LDLRAD3: variants seen among roughly 807,000 people sequenced by gnomAD.
The protein encoded by LDLRAD3 is low density lipoprotein receptor class A domain containing 3, also known as low-density lipoprotein receptor class A domain-containing protein 3.
A neutral mutation model predicts 29.4 loss-of-function variants in LDLRAD3; 20 were observed. The observed-to-expected ratio is 0.68, with a 90% CI of 0.48 to 0.99. LDLRAD3 has a LOEUF of 0.99. Among genes scored for constraint, LDLRAD3 ranks in the 50% least tolerant of loss-of-function variants. The probability of loss-of-function intolerance (pLI) is 0.00; values close to 1 mark genes in which losing one functional copy is unlikely to be tolerated. For synonymous variants in LDLRAD3, 157 were observed against 192.7 expected (o/e 0.81, Z 1.53); for missense variants, 420 against 454.3 (o/e 0.92, Z 0.69).
chr11:36,079,203 C>A (rs1480385540), intron 2 of LDLRAD3, among the ~76,000 whole-genome samples: 2 of 152,234 alleles, frequency 1.3e-5, no homozygotes, highest in African/African-American at 4.8e-5. Flanking sequence ...ACTATAGATA[C>A]TCTTTTCTAC....
intron 4 of LDLRAD3, among the ~76,000 whole-genome samples, chr11:36,121,848 A>G (rs1355657584): frequency 6.6e-6 from 1 of 152,016 alleles, no homozygotes. Context: ...CAAATCCAGC[A>G]CCTCCCACCT....
At chr11:36,098,223 T>C in intron 3 of LDLRAD3, 104 bp from the exon 4 acceptor site, 4 of 1,386,884 alleles carry the variant, frequency 2.9e-6, no homozygotes, top group Non-Finnish European at 3.0e-6. Context: ...GAAGATAAGC[T>C]TACTGCTTCC....
chr11:35,958,046 A>G (rs979979768), intron 1 of LDLRAD3, among the ~76,000 whole-genome samples: 4 of 152,204 alleles, frequency 2.6e-5, no homozygotes, highest in Non-Finnish European at 4.4e-5. Context: ...GACTAACAAA[A>G]TGCTCACTAG....
At chr11:36,054,632 C>G (rs552496267) in intron 2 of LDLRAD3, among the ~76,000 whole-genome samples, 2 of 152,152 alleles carry the variant, frequency 1.3e-5, no homozygotes, top group Admixed American at 1.3e-4. Context: ...TGTAAAACAT[C>G]AACAGAAGCT....
chr11:35,961,034 G>A (rs552163538), intron 1 of LDLRAD3, among the ~76,000 whole-genome samples: 4 of 152,338 alleles, frequency 2.6e-5, no homozygotes, highest in African/African-American at 7.2e-5. Flanking sequence ...GTTAAGAGGC[G>A]GTTGTTCTAC....
At chr11:36,197,900 AATT>A (rs916539436) in intron 4 of LDLRAD3, 11 of 146,008 alleles carry the variant, frequency 7.5e-5, no homozygotes, top group Admixed American at 7.5e-4. Context: ...AAAAAAAAGA[AATT>A]AACTGGGCGT....
chr11:36,131,126 G>A lies in LDLRAD3; in HGVS notation c.454+32665G>A, dbSNP rs1056294608. Among the ~76,000 whole-genome samples the A allele has an allele frequency of 2.6e-5, 4 of 152,196 alleles. No homozygotes were observed. The East Asian group carries it at 5.8e-4, about 22-fold the overall frequency. ...ATTGGCATCAGAAAAACCACTCTAG[G>A]CCGGGCACAGTGGCTCATGCCTGTA... On this transcript the variant is annotated intron_variant, in intron 4 of 5. Coordinates refer to ENST00000315571, the MANE Select transcript of LDLRAD3 (RefSeq NM_174902.4).
intron 2 of LDLRAD3, among the ~76,000 whole-genome samples, chr11:36,076,448 A>G (rs1291814290): frequency 6.6e-6 from 1 of 151,426 alleles, no homozygotes; most frequent in Non-Finnish European, 1.5e-5. Flanking sequence ...GTGCAGTGGC[A>G]CAATCTCAGC....
Position 36,197,899 on chromosome 11 carries a change from A to AG in LDLRAD3, c.455-29186_455-29185insG, listed in dbSNP as rs1460618512. 2.6e-5 allele frequency: 4 copies of AG among 151,214 alleles called. No homozygotes were observed. In the East Asian group the frequency reaches 7.7e-4, roughly 29 times the overall value. 9.4% of individuals were successfully genotyped at this position (151,214 alleles called of 1,614,324 possible). A position where few individuals can be genotyped will look rare whatever the true frequency, so the allele number is the denominator to read the frequency against. The stretch of plus-strand genomic sequence containing the variant: ...CCATGTCTTAAAAAAAAAAAAAAAG[A>AG]AATTAACTGGGCGTGGTGGCACACA... On this transcript the variant is annotated intron_variant, in intron 4 of 5. Coordinates refer to ENST00000315571, the MANE Select transcript of LDLRAD3 (RefSeq NM_174902.4).
At chr11:36,139,735 G>A (rs1181343107) in intron 4 of LDLRAD3, among the ~76,000 whole-genome samples, 2 of 152,192 alleles carry the variant, frequency 1.3e-5, no homozygotes, top group African/African-American at 2.4e-5. Flanking sequence ...GTCTCTGTCT[G>A]TCTGTGGCCT....
At chr11:36,224,829 G>GT (rs71457401) in intron 4 of LDLRAD3, among the ~76,000 whole-genome samples, 1 of 152,168 alleles carries the variant, frequency 6.6e-6, no homozygotes, top group Non-Finnish European at 1.5e-5. Flanking sequence ...CAGGTTTGTG[G>GT]TTTTTTGAAG....
chr11:36,176,536 CT>C (rs969236317), intron 4 of LDLRAD3, among the ~76,000 whole-genome samples: 11 of 151,142 alleles, frequency 7.3e-5, no homozygotes, highest in African/African-American at 2.7e-4. Context: ...CTCAGCATTT[CT>C]TTGTCTAAAA....
chr11:36,036,274 G>C (rs1353785730), intron 2 of LDLRAD3, 25 bp downstream of exon 2: 1 of 1,613,684 alleles, frequency 6.2e-7, no homozygotes, highest in Admixed American at 1.7e-5. Context: ...CCTTTGCTGG[G>C]GTGGGGTGGC....
At chr11:36,207,326 G>C (rs1855224422) in intron 4 of LDLRAD3, among the ~76,000 whole-genome samples, 2 of 152,136 alleles carry the variant, frequency 1.3e-5, no homozygotes, top group Admixed American at 6.5e-5. Context: ...ACAGTCCTTT[G>C]ATAACCTGGT....
At chr11:35,997,224 T>C (rs781687546) in intron 1 of LDLRAD3, 7 of 294,446 alleles carry the variant, frequency 2.4e-5, no homozygotes, top group African/African-American at 4.5e-5. Flanking sequence ...TGCACCACTG[T>C]TGATGTCATG....
At chr11:35,981,634 T>C (rs1355705588) in intron 1 of LDLRAD3, among the ~76,000 whole-genome samples, 2 of 152,164 alleles carry the variant, frequency 1.3e-5, no homozygotes, top group East Asian at 3.9e-4. Context: ...CTCTTTCTCT[T>C]TAGAAAAGGA....
At chr11:36,160,135 A>G (rs1854417491) in intron 4 of LDLRAD3, among the ~76,000 whole-genome samples, 1 of 152,216 alleles carries the variant, frequency 6.6e-6, no homozygotes, top group South Asian at 2.1e-4. Flanking sequence ...CTTGCCTGAG[A>G]TGCAAAGAAT....
At chr11:36,210,230 G>A (rs35739875) in intron 4 of LDLRAD3, among the ~76,000 whole-genome samples, 8,640 of 152,160 alleles carry the variant, frequency 0.057, 770 homozygotes, top group African/African-American at 0.19. Context: ...AATTCATTCT[G>A]CTGCCTGCCC....
Position 36,227,068 on chromosome 11 carries a change from T to C in LDLRAD3, c.455-17T>C. On this transcript the variant is annotated splice_polypyrimidine_tract_variant and intron_variant, in intron 4 of 5. Transcript: ENST00000315571. ...TGGTAACCTTCTCTCTTTTCTCTCC[T>C]CTCTTGGGTTTCTCAGAACCCGGCA... 1 of 1,547,426 alleles carries C rather than the reference T, an allele frequency of 6.5e-7. No individual in the cohort carries two copies. Among genetic ancestry groups the C allele is most frequent in the Non-Finnish European group, 8.8e-7 (1 of 1,140,416 alleles).
Sources: allele counts gnomAD v4.1 joint callset (sites outside exome capture counted in the v4.1 genomes callset), GRCh38; gene constraint gnomAD v4.1.1; transcripts MANE v1.5; gene names NCBI Gene and HGNC (gene_info 2026-07-23, HGNC 2026-07-21).